Variants in ARHGAP42 observed in about 807,000 individuals in gnomAD.
ARHGAP42 encodes the protein Rho GTPase activating protein 42.
A neutral mutation model predicts 125.0 loss-of-function variants in ARHGAP42; 63 were observed. The observed-to-expected ratio is 0.50, with a 90% CI of 0.41 to 0.62. ARHGAP42 has a LOEUF of 0.62. ARHGAP42 is among the 20% of genes least tolerant of loss of function. The pLI, the probability that ARHGAP42 is intolerant of heterozygous loss-of-function variation, is 0.00. For missense variants in ARHGAP42, 766 were observed against 1,024.2 expected (o/e 0.75, Z 3.44); for synonymous variants, 339 against 351.0 (o/e 0.97, Z 0.38).
At chr11:100,926,993 A>T (rs1867444150) in intron 6 of ARHGAP42, among the ~76,000 whole-genome samples, 1 of 152,232 alleles carries the variant, frequency 6.6e-6, no homozygotes, top group Admixed American at 6.5e-5. Context: ...GTTAATGCAG[A>T]AAATGAAAAT....
intron 5 of ARHGAP42, 42 bp downstream of exon 5, chr11:100,913,595 A>G (rs1217838965): frequency 1.8e-6 from 2 of 1,091,360 alleles, no homozygotes; most frequent in Non-Finnish European, 2.4e-6. Context: ...GCATTAAGTC[A>G]TATAAAGTCA....
intron 23 of ARHGAP42, among the ~76,000 whole-genome samples, chr11:100,988,206 CAT>C (rs1858734705): frequency 6.6e-6 from 1 of 150,408 alleles, no homozygotes; most frequent in Non-Finnish European, 1.5e-5. Context: ...CCTGTTTGTA[CAT>C]GTGTGTGAGA....
At chr11:100,903,041 CA>C (rs1866595799) in intron 4 of ARHGAP42, among the ~76,000 whole-genome samples, 1 of 150,900 alleles carries the variant, frequency 6.6e-6, no homozygotes, top group South Asian at 2.1e-4. Flanking sequence ...GTGGCCAGGT[CA>C]GCTGAGGCCA....
At chr11:100,792,901 C>T (rs1289199191) in intron 2 of ARHGAP42, among the ~76,000 whole-genome samples, 2 of 151,860 alleles carry the variant, frequency 1.3e-5, no homozygotes, top group East Asian at 3.9e-4. Flanking sequence ...TACAGGTGCC[C>T]GCCACCACGC....
intron 18 of ARHGAP42, 100 bp from the exon 19 acceptor site, chr11:100,974,359 T>C: frequency 9.2e-7 from 1 of 1,087,358 alleles, no homozygotes; most frequent in African/African-American, 1.6e-5. Flanking sequence ...ATACTTATAT[T>C]TTGCAGCTGA....
Position 100,857,839 on chromosome 11 carries a change from G to A in ARHGAP42, c.313-1715G>A, listed in dbSNP as rs191516940. ...GTCAATACTACAGAAACCCGTCCTCGTTCCTTATCACTTCAGATTTGAATT... is the reference window on the plus strand; with the variant it reads ...GTCAATACTACAGAAACCCGTCCTCATTCCTTATCACTTCAGATTTGAATT... On this transcript the variant is annotated intron_variant, in intron 3 of 23. Transcript: ENST00000298815. 5.9e-5 allele frequency among the ~76,000 whole-genome samples: 9 copies of A among 152,056 alleles called. No homozygotes were observed. The South Asian group carries it at 6.2e-4, about 11-fold the overall frequency.
chr11:100,895,683 G>A (rs1866336787), intron 4 of ARHGAP42, among the ~76,000 whole-genome samples: 1 of 151,746 alleles, frequency 6.6e-6, no homozygotes, highest in South Asian at 2.1e-4. Context: ...AAATGTTTCT[G>A]CCCAGATTTT....
chr11:100,982,941 CA>C (rs1012662636), intron 22 of ARHGAP42, among the ~76,000 whole-genome samples: 5 of 151,942 alleles, frequency 3.3e-5, no homozygotes, highest in African/African-American at 1.2e-4. Flanking sequence ...CACCCATAAG[CA>C]AAAAAATTTG....
chr11:100,820,755 G>A (rs1864385685), intron 3 of ARHGAP42, among the ~76,000 whole-genome samples: 1 of 152,068 alleles, frequency 6.6e-6, no homozygotes, highest in African/African-American at 2.4e-5. Context: ...AGTAACTATA[G>A]AGGCTTAGTT....
intron 1 of ARHGAP42, among the ~76,000 whole-genome samples, chr11:100,725,864 G>T (rs1014940704): frequency 4.6e-5 from 7 of 151,432 alleles, no homozygotes; most frequent in African/African-American, 1.5e-4. Context: ...GAACCCGGGA[G>T]GCGGAGCTTG....
chr11:100,914,160 C>T (rs1867003461), intron 5 of ARHGAP42, among the ~76,000 whole-genome samples: 2 of 152,108 alleles, frequency 1.3e-5, no homozygotes, highest in Admixed American at 1.3e-4. Flanking sequence ...GTCTTGAACT[C>T]TTCACCTTAA....
chr11:100,759,757 C>T (rs1439120080), intron 1 of ARHGAP42, among the ~76,000 whole-genome samples: 1 of 152,054 alleles, frequency 6.6e-6, no homozygotes, highest in Non-Finnish European at 1.5e-5. Context: ...ATATCAGGTA[C>T]AAGCTAATTC....
At chr11:100,936,170 A>T in intron 7 of ARHGAP42, 33 bp from the exon 8 acceptor site, 1 of 1,549,174 alleles carries the variant, frequency 6.5e-7, no homozygotes, top group Non-Finnish European at 8.7e-7. Flanking sequence ...GGTAGAAAAT[A>T]ATGACTGAAA....
Position 100,770,339 on chromosome 11 carries a change from G to A in ARHGAP42, c.155-4G>A, listed in dbSNP as rs1591166627. Reference sequence around the variant, plus strand: ...TGGATTTTTTGCTTAACTTTTACTTGCAGATCTGTCTATGGCAGTGCAGAA... The same window carrying A: ...TGGATTTTTTGCTTAACTTTTACTTACAGATCTGTCTATGGCAGTGCAGAA... On this transcript the variant is annotated splice_region_variant and splice_polypyrimidine_tract_variant and intron_variant, in intron 1 of 23. Transcript: ENST00000298815. 1 of 1,536,822 alleles carries A rather than the reference G, an allele frequency of 6.5e-7. No individual in the cohort carries two copies. Among genetic ancestry groups the A allele is most frequent in the Non-Finnish European group, 8.8e-7 (1 of 1,140,696 alleles).
At chr11:100,897,017 T>C (rs983577052) in intron 4 of ARHGAP42, among the ~76,000 whole-genome samples, 6 of 152,226 alleles carry the variant, frequency 3.9e-5, no homozygotes, top group African/African-American at 7.2e-5. Flanking sequence ...AATTTTTGTA[T>C]AAGGTGTAAG....
chr11:100,820,948 TTTTG>T (rs150931202), intron 3 of ARHGAP42, among the ~76,000 whole-genome samples: 29,203 of 151,428 alleles, frequency 0.19, 3,283 homozygotes, highest in African/African-American at 0.32. Flanking sequence ...GGTCATCTTT[TTTTG>T]TTTGTTTGTT....
At chr11:100,961,187 T>C (rs1857944769) in intron 14 of ARHGAP42, among the ~76,000 whole-genome samples, 198 bp downstream of exon 14, 2 of 152,160 alleles carry the variant, frequency 1.3e-5, no homozygotes, top group South Asian at 4.1e-4. Context: ...TACTGTATTT[T>C]TTTTCCCCAA....
intron 22 of ARHGAP42, among the ~76,000 whole-genome samples, chr11:100,979,886 G>T (rs534455898): frequency 6.6e-6 from 1 of 152,252 alleles, no homozygotes; most frequent in Non-Finnish European, 1.5e-5. Flanking sequence ...CACAGATACT[G>T]TTGTATAGTT....
intron 4 of ARHGAP42, among the ~76,000 whole-genome samples, chr11:100,860,663 A>T (rs1258488561): frequency 6.6e-6 from 1 of 151,928 alleles, no homozygotes; most frequent in Non-Finnish European, 1.5e-5. Flanking sequence ...ATATCCCAGC[A>T]CCAGAAACAA....
Sources: gnomAD v4.1 joint callset for allele counts (sites outside exome capture counted in the v4.1 genomes callset) on GRCh38, gnomAD v4.1.1 for gene constraint, MANE v1.5 for transcripts, NCBI Gene and HGNC (gene_info 2026-07-23, HGNC 2026-07-21) for gene names.